DSG3: variants seen among roughly 807,000 people sequenced by gnomAD.
DSG3 encodes desmoglein 3.
A neutral mutation model predicts 85.9 loss-of-function variants in DSG3; 63 were observed. The ratio of observed to expected loss-of-function variants is 0.73; its 90% CI spans 0.60 to 0.90. The LOEUF is 0.90. Among genes scored for constraint, DSG3 ranks in the 40% least tolerant of loss-of-function variants. The pLI is 0.00. For synonymous variants in DSG3, 447 were observed against 441.9 expected (o/e 1.01, Z -0.14); for missense variants, 1,220 against 1,219.9 (o/e 1.00, Z 0.00).
At chr18:31,461,684 G>A (rs2072787439) in intron 8 of DSG3, among the ~76,000 whole-genome samples, 1 of 152,074 alleles carries the variant, frequency 6.6e-6, no homozygotes, top group African/African-American at 2.4e-5. Flanking sequence ...TAAGCACATG[G>A]TCATATATTA....
Position 31,474,365 on chromosome 18 carries a change from G to T in DSG3, c.2346G>T (p.Gly782=). The part of the protein sequence containing the change: ...TGGTNKDYAD[G]AISMNFLDSY... ...GAACCAATAAGGACTACGCTGATGG[G>T]GCGATAAGCATGAATTTTCTGGACT... Residue 782 remains glycine, a synonymous_variant, in exon 15 of 16, where the codon GGG becomes GGT. Transcript: ENST00000257189. 1 of 1,610,332 alleles carries T rather than the reference G, an allele frequency of 6.2e-7. No homozygotes were observed.
chr18:31,469,804 A>G (rs1301285696), intron 12 of DSG3, among the ~76,000 whole-genome samples: 1 of 152,128 alleles, frequency 6.6e-6, no homozygotes, highest in Non-Finnish European at 1.5e-5. Context: ...ATATCACCAC[A>G]TGCTATTAAT....
At chr18:31,461,148 G>A in intron 7 of DSG3, 79 bp from the exon 8 acceptor site, 1 of 1,312,008 alleles carries the variant, frequency 7.6e-7, no homozygotes, top group Non-Finnish European at 1.0e-6. Flanking sequence ...GAGAAATAAG[G>A]ATTACCATTT....
chr18:31,475,208 G>A (rs939704133), intron 15 of DSG3, among the ~76,000 whole-genome samples: 1 of 152,188 alleles, frequency 6.6e-6, no homozygotes, highest in Non-Finnish European at 1.5e-5. Context: ...AGAGAGGCAC[G>A]GTTAGAATGG....
In DSG3 at chr18:31,460,951, G is replaced by A. The variant is rs958033170; in HGVS notation, c.803G>A (p.Arg268Lys). ...GTCAACGATAACTTCCCAATGTTTA[G>A]AGACTCTCAGGTACACCCATTGCTC... ...KDVNDNFPMF[R>K]DSQYSARIEE... The change falls in exon 7 of 16, where the codon AGA (arginine) becomes AAA (lysine). Residue 268 changes from arginine to lysine, a missense_variant. Transcript: ENST00000257189. 14 of 1,599,766 alleles carry A rather than the reference G, an allele frequency of 8.8e-6. No homozygotes were observed. The highest frequency in any genetic ancestry group is 1.0e-5 in the Non-Finnish European group (12 of 1,176,268).
intron 1 of DSG3, among the ~76,000 whole-genome samples, chr18:31,454,675 T>TTG (rs969703610): frequency 3.4e-5 from 5 of 145,504 alleles, no homozygotes; most frequent in African/African-American, 1.3e-4. Context: ...ATTAGTTTGT[T>TTG]TTTTTTTTTT....
chr18:31,452,268 C>A (rs1023252436), intron 1 of DSG3, among the ~76,000 whole-genome samples: 1 of 152,018 alleles, frequency 6.6e-6, no homozygotes, highest in Non-Finnish European at 1.5e-5. Flanking sequence ...TGCCTGTAAT[C>A]CCAGCACTTT....
chr18:31,454,955 AC>A (rs1419448529), intron 1 of DSG3, among the ~76,000 whole-genome samples: 2 of 150,560 alleles, frequency 1.3e-5, no homozygotes, highest in Non-Finnish European at 3.0e-5. Context: ...TCAAGATCGC[AC>A]CATTGCACTC....
rs576061834 is a variant in DSG3, at chr18:31,463,721, C to T, written c.1000-390C>T. Among the ~76,000 whole-genome samples, 17 of 151,964 alleles carry T rather than the reference C, an allele frequency of 1.1e-4. No individual in the cohort carries two copies. In the East Asian group the frequency reaches 2.5e-3, roughly 23 times the overall value. ...CTCACTACACCCTGATGAGGTAAGG[C>T]TTTTTTTTCAGAAGTGGAGAGTTGA... On this transcript the variant is annotated intron_variant, in intron 8 of 15. Coordinates refer to ENST00000257189, the MANE Select transcript of DSG3 (RefSeq NM_001944.3).
chr18:31,468,467 T>C (rs182079129), intron 11 of DSG3, among the ~76,000 whole-genome samples: 1 of 152,102 alleles, frequency 6.6e-6, no homozygotes, highest in Admixed American at 6.5e-5. Context: ...AAAAGCAGAG[T>C]AGAACTGAGT....
intron 1 of DSG3, 133 bp from the exon 2 acceptor site, chr18:31,456,307 G>A (rs1175631822): frequency 3.3e-6 from 2 of 599,936 alleles, no homozygotes; most frequent in Admixed American, 7.1e-5. Context: ...ATGGCTTCTT[G>A]AAACTTACTT....
chr18:31,462,073 T>C (rs1417131159), intron 8 of DSG3, among the ~76,000 whole-genome samples: 1 of 151,760 alleles, frequency 6.6e-6, no homozygotes, highest in Non-Finnish European at 1.5e-5. Flanking sequence ...TGTTTTTGTT[T>C]TTGTTTTTGT....
In DSG3 at chr18:31,457,577, CTTTCTTTCTTCTTTCTTTCTTTCT is replaced by C. The variant is rs1568086473; in HGVS notation, c.216+456_216+479del. Among the ~76,000 whole-genome samples the C allele has an allele frequency of 2.0e-3, 158 of 78,580 alleles. 1 individual carries two copies. The highest frequency in any genetic ancestry group is 8.6e-3 in the African/African-American group (117 of 13,558). The allele number at this position is 78,580 out of a possible 152,430, so 51.6% of individuals were successfully genotyped here. A position where few individuals can be genotyped will look rare whatever the true frequency, so the allele number is the denominator to read the frequency against. ...TCTTTCTTTCTTTCTTTCTTTCTTT[CTTTCTTTCTTCTTTCTTTCTTTCT>C]TTCTTTCTTTCTTTCTTTCTTTCTT... On this transcript the variant is annotated intron_variant, in intron 3 of 15. Transcript: ENST00000257189.
chr18:31,466,428 A>G, intron 10 of DSG3, 102 bp from the exon 11 acceptor site: 6 of 946,138 alleles, frequency 6.3e-6, no homozygotes, highest in African/African-American at 4.9e-5. Flanking sequence ...TCATGAGAAG[A>G]CACACTGAGT....
Position 31,465,455 on chromosome 18 carries a change from A to G in DSG3, c.1409A>G (p.Asp470Gly). 6.8e-7 allele frequency: 1 copy of G among 1,481,412 alleles called. No individual in the cohort carries two copies. Among genetic ancestry groups the G allele is most frequent in the Non-Finnish European group, 9.0e-7 (1 of 1,115,662 alleles). The allele number at this position is 1,481,412 out of a possible 1,614,324, so 91.8% of individuals were successfully genotyped here. A position where few individuals can be genotyped will look rare whatever the true frequency, so the allele number is the denominator to read the frequency against. The change falls in exon 10 of 16, where the codon GAT becomes GGT. Residue 470 changes from aspartate to glycine, a missense_variant and splice_region_variant. Asp to Gly is a moderately conservative substitution (Grantham distance 94). Coordinates refer to ENST00000257189, the MANE Select transcript of DSG3 (RefSeq NM_001944.3). ...ATCACAGCTGAGGTTCTGGCCATAG[A>G]TGGTAAGAAAAATATTTGAATCATT... ...KTITAEVLAI[D>G]EYTGKTSTGT...
chr18:31,452,295 CAGATCACGAGGTCA>C (rs1480554363), intron 1 of DSG3, among the ~76,000 whole-genome samples: 2 of 152,002 alleles, frequency 1.3e-5, no homozygotes, highest in Non-Finnish European at 2.9e-5. Context: ...CCAAGGCAGG[CAGATCACGAGGTCA>C]AGAGATTGAG....
chr18:31,472,014 A>G (rs2072858380), intron 12 of DSG3, among the ~76,000 whole-genome samples: 1 of 152,218 alleles, frequency 6.6e-6, no homozygotes. Flanking sequence ...ACTTTCATTC[A>G]TACATCAGTG....
chr18:31,464,086 C>G, intron 8 of DSG3, 25 bp from the exon 9 acceptor site: 1 of 1,598,942 alleles, frequency 6.3e-7, no homozygotes, highest in Non-Finnish European at 8.5e-7. Context: ...TGTGAAACTG[C>G]CTTCTAATTT....
chr18:31,468,944 T>G, intron 11 of DSG3, 145 bp from the exon 12 acceptor site: 118 of 1,202,958 alleles, frequency 9.8e-5, no homozygotes, highest in Non-Finnish European at 1.2e-4. Flanking sequence ...ACCTTGATAT[T>G]GAGCTTCCCA....
Sources: gnomAD v4.1 joint callset for allele counts (sites outside exome capture counted in the v4.1 genomes callset) on GRCh38, gnomAD v4.1.1 for gene constraint, MANE v1.5 for transcripts, NCBI Gene and HGNC (gene_info 2026-07-23, HGNC 2026-07-21) for gene names.